Variants in MRPL21 observed in about 807,000 individuals in gnomAD.
The protein encoded by MRPL21 is mitochondrial ribosomal protein L21, also known as large ribosomal subunit protein bL21m.
A neutral mutation model predicts 27.3 loss-of-function variants in MRPL21; 20 were observed. That is an observed-to-expected ratio of 0.73 (90% confidence interval 0.52 to 1.06). The LOEUF is 1.06. MRPL21 is among the 50% of genes least tolerant of loss of function. The pLI is 0.00. For synonymous variants in MRPL21, 98 were observed against 101.5 expected (o/e 0.97, Z 0.21); for missense variants, 249 against 251.4 (o/e 0.99, Z 0.06).
rs76935104 is a variant in MRPL21 at position 68,897,564 on chromosome 11, C to T, written c.232+363G>A. 8.1e-5 allele frequency: 23 copies of T among 282,284 alleles called. No individual in the cohort carries two copies. In the East Asian group the frequency reaches 1.6e-3, roughly 19 times the overall value. The allele number at this position is 282,284 out of a possible 1,614,324, so 17.5% of individuals were successfully genotyped here. ...TCCAGGTCGACATGAGTCCTGATACCTCTGCATGTTTCTCCAACAGCCCGG... is the reference window on the plus strand; with the variant it reads ...TCCAGGTCGACATGAGTCCTGATACTTCTGCATGTTTCTCCAACAGCCCGG... On this transcript the variant is annotated intron_variant, in intron 3 of 6. Transcript: ENST00000362034.
chr11:68,891,971 C>T (rs966148982), intron 6 of MRPL21: 2 of 799,338 alleles, frequency 2.5e-6, no homozygotes, highest in Admixed American at 3.7e-5. Context: ...GCTAGGACAG[C>T]CCTACACCTG....
chr11:68,895,125 A>G (rs1857754996), intron 4 of MRPL21, among the ~76,000 whole-genome samples: 1 of 151,764 alleles, frequency 6.6e-6, no homozygotes. Flanking sequence ...TTAGCCAGGC[A>G]TGGTAGTGCA....
At chr11:68,898,046 G>T (rs924222559) in intron 2 of MRPL21, 34 bp from the exon 3 acceptor site, 14 of 1,559,240 alleles carry the variant, frequency 9.0e-6, no homozygotes, top group Non-Finnish European at 1.2e-5. Flanking sequence ...AATGTCACAA[G>T]CACCTGAAAA....
At position 68,893,603 on chromosome 11, in the gene MRPL21, CTT is replaced by C. The variant is rs543485764; in HGVS notation, c.397-150_397-149del. 2.3e-5 allele frequency: 25 copies of C among 1,108,180 alleles called. No homozygotes were observed. The East Asian group carries it at 5.7e-4, about 25-fold the overall frequency. The allele number at this position is 1,108,180 out of a possible 1,614,324, so 68.6% of individuals were successfully genotyped here. A position where few individuals can be genotyped will look rare whatever the true frequency, so the allele number is the denominator to read the frequency against. On this transcript the variant is annotated intron_variant, in intron 4 of 6. Coordinates refer to ENST00000362034, the MANE Select transcript of MRPL21 (RefSeq NM_181514.2). Reference sequence around the variant, plus strand: ...AATTTCATCTGCTGTCTAATGATCTCTTTAATATCTACAACCGGGGCTGTGAG... The same window carrying C: ...AATTTCATCTGCTGTCTAATGATCTCTAATATCTACAACCGGGGCTGTGAG...
At chr11:68,900,740 A>G (rs668576) in intron 1 of MRPL21, 135 bp from the exon 2 acceptor site, 223,049 of 747,724 alleles carry the variant, frequency 0.3, 36,607 homozygotes, top group South Asian at 0.48. Flanking sequence ...CCACAGAAAC[A>G]CCTAGGTGAG....
chr11:68,903,054 G>C (rs1305421345), intron 1 of MRPL21, among the ~76,000 whole-genome samples: 2 of 152,234 alleles, frequency 1.3e-5, no homozygotes, highest in East Asian at 3.9e-4. Context: ...AGGACATCTG[G>C]GTTGCTTCCA....
intron 6 of MRPL21, chr11:68,891,992 C>A: frequency 1.1e-6 from 1 of 944,740 alleles, no homozygotes; most frequent in Admixed American, 3.7e-5. Context: ...CTTGCGGATT[C>A]ACTGCTGCTT....
At chr11:68,900,411 G>A (rs1224838487) in intron 2 of MRPL21, 137 bp downstream of exon 2, 5 of 872,030 alleles carry the variant, frequency 5.7e-6, no homozygotes, top group Non-Finnish European at 3.6e-6. Context: ...GGGAAACATA[G>A]TGAAACTCTG....
chr11:68,896,765 C>T (rs942452424), intron 3 of MRPL21, 87 bp from the exon 4 acceptor site: 1 of 1,556,294 alleles, frequency 6.4e-7, no homozygotes, highest in Non-Finnish European at 8.7e-7. Flanking sequence ...GGTGGTGGGG[C>T]CCTAGGGTGG....
chr11:68,902,645 A>G (rs1440006445), intron 1 of MRPL21, among the ~76,000 whole-genome samples: 1 of 152,206 alleles, frequency 6.6e-6, no homozygotes, highest in Non-Finnish European at 1.5e-5. Context: ...CTACATTGAC[A>G]CATCATTGTT....
chr11:68,893,370 C>T (rs1399651581), intron 5 of MRPL21, 33 bp downstream of exon 5: 1 of 1,613,822 alleles, frequency 6.2e-7, no homozygotes, highest in Admixed American at 1.7e-5. Context: ...GCCCTGGAGC[C>T]CCAGACAAAG....
chr11:68,903,227 T>TA (rs1858013123), intron 1 of MRPL21, among the ~76,000 whole-genome samples: 2 of 152,098 alleles, frequency 1.3e-5, no homozygotes, highest in Non-Finnish European at 2.9e-5. Context: ...AAGCAGAGAT[T>TA]TATAGAGTTT....
chr11:68,895,468 G>T (rs1377484161), intron 4 of MRPL21, among the ~76,000 whole-genome samples: 2 of 151,864 alleles, frequency 1.3e-5, no homozygotes, highest in Non-Finnish European at 2.9e-5. Context: ...TGACCAATAT[G>T]GTGAAACCCC....
chr11:68,895,923 C>T (rs78462268), intron 4 of MRPL21, among the ~76,000 whole-genome samples: 2,153 of 152,278 alleles, frequency 0.014, 34 homozygotes, highest in Non-Finnish European at 0.022. Flanking sequence ...CAAGCAATCC[C>T]CCACCTTGGC....
At chr11:68,896,455 T>G in intron 4 of MRPL21, 60 bp downstream of exon 4, 35 of 1,585,344 alleles carry the variant, frequency 2.2e-5, no homozygotes, top group South Asian at 3.3e-5. Context: ...AGCTGGGGCG[T>G]GGAGATTACA....
At chr11:68,896,459 G>A in intron 4 of MRPL21, 56 bp downstream of exon 4, 1 of 1,597,554 alleles carries the variant, frequency 6.3e-7, no homozygotes, top group South Asian at 1.1e-5. Context: ...GGGGCGTGGA[G>A]ATTACATACT....
rs192978750 is a variant in MRPL21, at chr11:68,893,189, G to A, written c.450-196C>T. On this transcript the variant is annotated intron_variant, in intron 5 of 6. Transcript: ENST00000362034. ...CAGGGAGTCTGAACAAATCTTCAGA[G>A]GACCACACTGTCATGAAACAGCAAG... 2,596 of 1,346,202 alleles carry A rather than the reference G, an allele frequency of 1.9e-3. 6 individuals are homozygous for A. The highest frequency in any genetic ancestry group is 7.0e-3 in the Middle Eastern group (32 of 4,572). 83.4% of individuals were successfully genotyped at this position (1,346,202 alleles called of 1,614,324 possible).
At chr11:68,891,651 C>T (rs138545332) in intron 6 of MRPL21, 16 of 578,842 alleles carry the variant, frequency 2.8e-5, no homozygotes, top group South Asian at 2.2e-4. Context: ...ACCTCTCCTC[C>T]CACACTGTCT....
At chr11:68,896,971 C>T (rs1221258152) in intron 3 of MRPL21, 16 of 466,996 alleles carry the variant, frequency 3.4e-5, no homozygotes, top group Non-Finnish European at 4.7e-5. Context: ...GCAACTCCCT[C>T]GCCTAAGCAC....
Sources: gnomAD v4.1 joint callset for allele counts (sites outside exome capture counted in the v4.1 genomes callset) on GRCh38, gnomAD v4.1.1 for gene constraint, MANE v1.5 for transcripts, NCBI Gene and HGNC (gene_info 2026-07-23, HGNC 2026-07-21) for gene names.